The following SLC9A7 variants were observed in gnomAD, a reference collection of about 807,000 sequenced individuals.
SLC9A7 encodes sodium/hydrogen exchanger 7.
Under a neutral mutation model 52.6 loss-of-function variants are expected in SLC9A7, and 19 were observed. The ratio of observed to expected loss-of-function variants is 0.36; its 90% CI spans 0.25 to 0.53. SLC9A7 has a LOEUF of 0.53. Ranked by LOEUF, SLC9A7 falls within the 20% of genes least tolerant of loss-of-function variation. The pLI, the probability that SLC9A7 is intolerant of heterozygous loss-of-function variation, is 0.91. For missense variants in SLC9A7, 455 were observed against 597.9 expected (o/e 0.76, Z 2.49); for synonymous variants, 226 against 252.1 (o/e 0.90, Z 0.98).
Position 46,621,175 on chromosome X carries a change from A to G in SLC9A7, c.1741-116T>C, listed in dbSNP as rs142233097. On this transcript the variant is annotated intron_variant, in intron 14 of 16. Transcript: ENST00000616978. ...TCTGGAGCTCATAGTCAAACATCCCATGTCAGCAAAGTTTCAAAGATATAT... is the reference window on the plus strand; with the variant it reads ...TCTGGAGCTCATAGTCAAACATCCCGTGTCAGCAAAGTTTCAAAGATATAT... 3.4e-3 allele frequency: 1,408 copies of G among 420,003 alleles called. 13 individuals are homozygous for G. The highest frequency in any genetic ancestry group is 0.032 in the African/African-American group (1,273 of 40,155). The allele number at this position is 420,003 out of a possible 1,213,427, so 34.6% of individuals were successfully genotyped here.
intron 1 of SLC9A7, among the ~76,000 whole-genome samples, chrX:46,703,131 TG>T (rs1279347564): frequency 8.9e-6 from 1 of 112,353 alleles, no homozygotes; most frequent in Non-Finnish European, 1.9e-5. Flanking sequence ...ATTTGTTTTT[TG>T]CTTGTTAAGT....
chrX:46,689,013 A>G (rs1422736638), intron 1 of SLC9A7, among the ~76,000 whole-genome samples: 1 of 110,383 alleles, frequency 9.1e-6, no homozygotes, highest in African/African-American at 3.3e-5. Context: ...TTATACAATG[A>G]ATTATTTTTT....
chrX:46,672,105 G>A lies in SLC9A7; in HGVS notation c.680+446C>T, dbSNP rs189884416. Among the ~76,000 whole-genome samples the A allele has an allele frequency of 1.3e-4, 15 of 111,779 alleles. No individual in the cohort carries two copies. The East Asian group carries it at 2.5e-3, about 19-fold the overall frequency. On this transcript the variant is annotated intron_variant, in intron 4 of 16. Transcript: ENST00000616978. Reference sequence around the variant, plus strand: ...CTAATGCAATGTTATTTGTTTTGTCGTTCTTCAGCCATTGTGGGGCGGCTT... The same window carrying A: ...CTAATGCAATGTTATTTGTTTTGTCATTCTTCAGCCATTGTGGGGCGGCTT...
intron 1 of SLC9A7, among the ~76,000 whole-genome samples, chrX:46,750,912 T>G (rs782419405): frequency 8.9e-6 from 1 of 112,326 alleles, no homozygotes; most frequent in Non-Finnish European, 1.9e-5. Context: ...ACAAATCACA[T>G]GCAAATCCTA....
chrX:46,657,153 T>C (rs1290693774), intron 7 of SLC9A7, among the ~76,000 whole-genome samples: 5 of 109,864 alleles, frequency 4.6e-5, no homozygotes, highest in Non-Finnish European at 9.5e-5. Context: ...AATAAAATAC[T>C]TTATAGACAA....
At chrX:46,719,759 C>T (rs12394488) in intron 1 of SLC9A7, among the ~76,000 whole-genome samples, 20,715 of 110,108 alleles carry the variant, frequency 0.19, 1,860 homozygotes, top group Middle Eastern at 0.33. Context: ...GAGGGGGCCA[C>T]GAAGGTCAAT....
At chrX:46,632,126 A>G (rs763960993) in intron 13 of SLC9A7, among the ~76,000 whole-genome samples, 1 of 112,302 alleles carries the variant, frequency 8.9e-6, no homozygotes, top group South Asian at 3.7e-4. Flanking sequence ...AGACTCTACC[A>G]TTAACATTTT....
chrX:46,609,466 CAAG>C (rs1344688538), intron 16 of SLC9A7, among the ~76,000 whole-genome samples: 10 of 112,240 alleles, frequency 8.9e-5, no homozygotes, highest in South Asian at 3.6e-4. Flanking sequence ...TTTGGGAGGC[CAAG>C]GAGGGTGGAT....
At chrX:46,695,681 A>G (rs1944438858) in intron 1 of SLC9A7, among the ~76,000 whole-genome samples, 1 of 110,949 alleles carries the variant, frequency 9.0e-6, no homozygotes, top group South Asian at 3.9e-4. Context: ...AAACATCTGG[A>G]CAGTTGGTCT....
chrX:46,751,129 A>C (rs782666960), intron 1 of SLC9A7, among the ~76,000 whole-genome samples: 1 of 111,613 alleles, frequency 9.0e-6, no homozygotes, highest in Non-Finnish European at 1.9e-5. Context: ...TTAGCACATA[A>C]GTCTTCCCCA....
At chrX:46,756,184 A>G (rs1556292233) in intron 1 of SLC9A7, among the ~76,000 whole-genome samples, 1 of 111,555 alleles carries the variant, frequency 9.0e-6, no homozygotes. Context: ...GTTTGCCTCC[A>G]GAAATTAAGT....
At position 46,631,799 on chromosome X, in the gene SLC9A7, C is replaced by T. The variant is rs188702301; in HGVS notation, c.1677-150G>A. The T allele has an allele frequency of 6.3e-5, 29 of 460,083 alleles. 1 individual carries two copies. Among genetic ancestry groups the T allele is most frequent in the African/African-American group, 5.6e-4 (23 of 41,159 alleles). 37.9% of individuals were successfully genotyped at this position (460,083 alleles called of 1,213,427 possible). A position where few individuals can be genotyped will look rare whatever the true frequency, so the allele number is the denominator to read the frequency against. On this transcript the variant is annotated intron_variant, in intron 13 of 16. Coordinates refer to ENST00000616978, the MANE Select transcript of SLC9A7 (RefSeq NM_001257291.2). ...CTAAAAGGTGAGGAAAGCTGTCATGCAGAAGTCATAAGAAAGAGGTCGCAT... is the reference window on the plus strand; with the variant it reads ...CTAAAAGGTGAGGAAAGCTGTCATGTAGAAGTCATAAGAAAGAGGTCGCAT...
rs144183638 is a variant in SLC9A7, at chrX:46,674,582, C to A, written c.604-1955G>T. ...CAAGTCACACGTCCGCCAAACCAAGCCACAGACTGGAAAGCTGGTCTCCTG... is the reference window on the plus strand; with the variant it reads ...CAAGTCACACGTCCGCCAAACCAAGACACAGACTGGAAAGCTGGTCTCCTG... On this transcript the variant is annotated intron_variant, in intron 3 of 16. Transcript: ENST00000616978. Among the ~76,000 whole-genome samples the A allele has an allele frequency of 9.9e-5, 11 of 111,603 alleles. No individual in the cohort carries two copies. The East Asian group carries it at 3.1e-3, about 31-fold the overall frequency.
At chrX:46,721,611 G>T (rs1327308811) in intron 1 of SLC9A7, among the ~76,000 whole-genome samples, 1 of 111,498 alleles carries the variant, frequency 9.0e-6, no homozygotes, top group Admixed American at 9.5e-5. Context: ...TGCTGCATGG[G>T]TTTATTAGAA....
At position 46,653,658 on chromosome X, in the gene SLC9A7, G is replaced by A; in HGVS notation, c.1098C>T (p.Phe366=). The A allele has an allele frequency of 2.5e-6, 3 of 1,210,827 alleles. No individual in the cohort carries two copies. The highest frequency in any genetic ancestry group is 3.4e-6 in the Non-Finnish European group (3 of 895,034). Residue 366 remains phenylalanine, a synonymous_variant, in exon 8 of 17, where the codon TTC becomes TTT. Transcript: ENST00000616978. ...AGAGAAACGTGCTCCAGGACATGAG[G>A]AAGAACAGCGCCGTCTCCAGCAGGG... ...CFPLLETALF[F]LMSWSTFLLA... is the part of the protein sequence containing the mutation.
At chrX:46,620,434 AC>A (rs1290537441) in intron 15 of SLC9A7, among the ~76,000 whole-genome samples, 2 of 110,834 alleles carry the variant, frequency 1.8e-5, no homozygotes, top group Non-Finnish European at 3.8e-5. Context: ...CAAAAAACAA[AC>A]AAACAAACAA....
At chrX:46,709,624 C>T (rs1255059681) in intron 1 of SLC9A7, among the ~76,000 whole-genome samples, 1 of 110,970 alleles carries the variant, frequency 9.0e-6, no homozygotes, top group African/African-American at 3.3e-5. Flanking sequence ...AAAAAAAAAC[C>T]CTACTGTATG....
chrX:46,739,048 C>G (rs1473101914), intron 1 of SLC9A7, among the ~76,000 whole-genome samples: 1 of 111,754 alleles, frequency 8.9e-6, no homozygotes, highest in East Asian at 2.8e-4. Flanking sequence ...CTTCCTCTCC[C>G]TAAATAATAT....
At chrX:46,737,720 A>G (rs140846193) in intron 1 of SLC9A7, among the ~76,000 whole-genome samples, 1 of 111,697 alleles carries the variant, frequency 9.0e-6, no homozygotes, top group African/African-American at 3.3e-5. Context: ...ATATTTTGCT[A>G]ATCAGTCATA....
Sources: allele counts gnomAD v4.1 joint callset (sites outside exome capture counted in the v4.1 genomes callset), GRCh38; gene constraint gnomAD v4.1.1; transcripts MANE v1.5; gene names NCBI Gene and HGNC (gene_info 2026-07-23, HGNC 2026-07-21).